The following NEMP1 variants were observed in gnomAD, a reference collection of about 807,000 sequenced individuals.
NEMP1 encodes the protein nuclear envelope integral membrane protein 1.
A neutral mutation model predicts 53.7 loss-of-function variants in NEMP1; 29 were observed. The ratio of observed to expected loss-of-function variants is 0.54; its 90% CI spans 0.40 to 0.74. The LOEUF (loss-of-function observed/expected upper bound fraction) is 0.74. NEMP1 is among the 30% of genes least tolerant of loss of function. The pLI, the probability that NEMP1 is intolerant of heterozygous loss-of-function variation, is 0.00. For missense variants in NEMP1, 477 were observed against 528.6 expected (o/e 0.90, Z 0.96); for synonymous variants, 193 against 192.9 (o/e 1.00, Z 0.00).
chr12:57,085,624 T>C (rs2032968345), intron 1 of NEMP1, among the ~76,000 whole-genome samples: 2 of 152,236 alleles, frequency 1.3e-5, no homozygotes, highest in African/African-American at 4.8e-5. Flanking sequence ...CCTTAGATGA[T>C]AAATTCTGCC....
In NEMP1 at chr12:57,060,845, C is replaced by G. The variant is rs922233762; in HGVS notation, c.1081G>C (p.Glu361Gln). ...GGACTGTTACAAAATTCTCGGAGCT[C>G]CTCTAAAGCCTTTCGGGTTTCTACC... ...GEVETRKALE[E>Q]LREFCNSPDC... is the part of the protein sequence containing the mutation. Residue 361 changes from glutamate to glutamine, a missense_variant, in exon 8 of 9, where the codon GAG (glutamate) becomes CAG (glutamine). Coordinates refer to ENST00000300128, the MANE Select transcript of NEMP1 (RefSeq NM_001130963.2). 17 of 1,614,056 alleles carry G rather than the reference C, an allele frequency of 1.1e-5. No homozygotes were observed. In the African/African-American group the frequency reaches 1.7e-4, roughly 16 times the overall value.
At chr12:57,079,223 A>G (rs1027525993), upstream of NEMP1, among the ~76,000 whole-genome samples, 2 of 152,234 alleles carry the variant, frequency 1.3e-5, no homozygotes, top group African/African-American at 4.8e-5. Flanking sequence ...GGACCCTGAT[A>G]GGACGATTTT....
rs1196678775 is a variant in NEMP1 at position 57,072,837 on chromosome 12, T to C, written c.203A>G (p.Tyr68Cys). The C allele has an allele frequency of 6.2e-7, 1 of 1,613,570 alleles. No homozygotes were observed. The highest frequency in any genetic ancestry group is 1.7e-5 in the Admixed American group (1 of 59,908). Reference sequence around the variant, plus strand: ...CCATTTTGGGATAAGCACATTTGTGTAACAGAATTGTTGGCTGGCACGCTT... The same window carrying C: ...CCATTTTGGGATAAGCACATTTGTGCAACAGAATTGTTGGCTGGCACGCTT... ...CEKRASQQFC[Y>C]TNVLIPKWHD... is the part of the protein sequence containing the mutation. The change falls in exon 2 of 9, where the codon TAC (tyrosine) becomes TGC (cysteine). Residue 68 changes from tyrosine (Y) to cysteine (C), a missense_variant. By Grantham distance (194) the Tyr-to-Cys change is radical. Coordinates refer to ENST00000300128, the MANE Select transcript of NEMP1 (RefSeq NM_001130963.2).
At chr12:57,079,953 T>C (rs1478965945), upstream of NEMP1, among the ~76,000 whole-genome samples, 1 of 151,340 alleles carries the variant, frequency 6.6e-6, no homozygotes, top group South Asian at 2.1e-4. Flanking sequence ...TGTTTCATTG[T>C]TGTTGTTGTT....
At chr12:57,068,421 G>A (rs1284822218) in intron 4 of NEMP1, among the ~76,000 whole-genome samples, 2 of 150,416 alleles carry the variant, frequency 1.3e-5, no homozygotes, top group Non-Finnish European at 2.9e-5. Flanking sequence ...GTGTGATCTT[G>A]GCTCACCGCA....
intron 1 of NEMP1, among the ~76,000 whole-genome samples, chr12:57,074,844 T>A (rs2136512884): frequency 6.6e-6 from 1 of 152,098 alleles, no homozygotes; most frequent in Middle Eastern, 3.4e-3. Flanking sequence ...TCCCAGCACT[T>A]GGGGAGGCCA....
At chr12:57,068,187 C>T (rs1201159708) in intron 4 of NEMP1, among the ~76,000 whole-genome samples, 2 of 152,150 alleles carry the variant, frequency 1.3e-5, no homozygotes, top group Non-Finnish European at 2.9e-5. Flanking sequence ...GTTAATCTTG[C>T]ATTCACTACT....
At chr12:57,075,256 C>T (rs1322282909) in intron 1 of NEMP1, among the ~76,000 whole-genome samples, 2 of 151,354 alleles carry the variant, frequency 1.3e-5, no homozygotes, top group East Asian at 1.9e-4. Context: ...GGTACGGTGG[C>T]GGGCGCCTGT....
intron 1 of NEMP1, among the ~76,000 whole-genome samples, chr12:57,076,254 T>C (rs898297744): frequency 1.3e-5 from 2 of 152,200 alleles, no homozygotes; most frequent in African/African-American, 4.8e-5. Context: ...ACCAGGCAGA[T>C]GGCACGTGCC....
chr12:57,086,975 G>A (rs1247703989), intron 1 of NEMP1, among the ~76,000 whole-genome samples: 7 of 152,220 alleles, frequency 4.6e-5, no homozygotes, highest in African/African-American at 1.4e-4. Flanking sequence ...AGAAACAAGG[G>A]CACAAAGACA....
rs1029241794 is a variant in NEMP1 at position 57,058,049 on chromosome 12, G to A, written c.*1830C>T. 2.0e-4 allele frequency: 31 copies of A among 152,208 alleles called. No individual in the cohort carries two copies. The highest frequency in any genetic ancestry group is 7.2e-4 in the African/African-American group (30 of 41,452). The allele number at this position is 152,208 out of a possible 1,614,324, so 9.4% of individuals were successfully genotyped here. ...ATTTTACCATGTACATAATTCACAA[G>A]GGTATAAAGGTTTCCCAATGTAAAG... On this transcript the variant is annotated 3_prime_UTR_variant, in exon 9 of 9. Coordinates refer to ENST00000300128, the MANE Select transcript of NEMP1 (RefSeq NM_001130963.2).
chr12:57,082,622 C>T (rs185077459), upstream of NEMP1, among the ~76,000 whole-genome samples: 18 of 152,010 alleles, frequency 1.2e-4, no homozygotes, highest in Admixed American at 3.9e-4. Context: ...TGAGATGGGA[C>T]GATCACTTGA....
At chr12:57,064,034 A>T in intron 6 of NEMP1, 37 bp downstream of exon 6, 1 of 1,285,472 alleles carries the variant, frequency 7.8e-7, no homozygotes, top group Non-Finnish European at 1.1e-6. Flanking sequence ...AACAGCCTAT[A>T]AACGTACAAA....
chr12:57,083,954 CTGTTTTGTTT>C (rs71446598), intron 1 of NEMP1, among the ~76,000 whole-genome samples: 12 of 144,342 alleles, frequency 8.3e-5, no homozygotes, highest in South Asian at 4.4e-4. Context: ...TTGTTTTCTT[CTGTTTTGTTT>C]TGTTTTGTTT....
At chr12:57,082,198 G>A (rs1592524161), upstream of NEMP1, among the ~76,000 whole-genome samples, 1 of 152,264 alleles carries the variant, frequency 6.6e-6, no homozygotes, top group South Asian at 2.1e-4. Context: ...CCAGCCCGGT[G>A]ACAGAGTAAG....
chr12:57,078,670 C>T lies in NEMP1; in HGVS notation c.76G>A (p.Gly26Arg), dbSNP rs1331702611. 2 of 1,613,370 alleles carry T rather than the reference C, an allele frequency of 1.2e-6. No homozygotes were observed. Among genetic ancestry groups the T allele is most frequent in the East Asian group, 2.2e-5 (1 of 44,852 alleles). ...GPWGSGVGGG[G>R]TVRLLLILSG... The stretch of plus-strand genomic sequence containing the variant: ...AGGATCAAGAGTAGCCGCACTGTCC[C>T]ACCGCCCCCGACTCCCGAGCCCCAG... The change falls in exon 1 of 9, where the codon GGG (glycine) becomes AGG (arginine). Residue 26 changes from glycine (G) to arginine (R), a missense_variant. By Grantham distance (125) the Gly-to-Arg change is moderately radical (BLOSUM62 -2). Coordinates refer to ENST00000300128, the MANE Select transcript of NEMP1 (RefSeq NM_001130963.2).
Position 57,070,810 on chromosome 12 carries a change from G to A in NEMP1, c.336C>T (p.Ile112=). The A allele has an allele frequency of 6.2e-7, 1 of 1,614,042 alleles. No homozygotes were observed. The highest frequency in any genetic ancestry group is 1.3e-5 in the African/African-American group (1 of 75,024). Residue 112 remains isoleucine (I), a synonymous_variant, in exon 3 of 9, where the codon ATC becomes ATT. Transcript: ENST00000300128. The part of the protein sequence containing the change: ...EKLKELEQFS[I]WNFFSSFLKE... ...TTAAAAAGGAGGAAAAAAAGTTCCA[G>A]ATACTAAACTGCTCTAGCTCCTTCA...
chr12:57,078,722 C>G lies in NEMP1; in HGVS notation c.24G>C (p.Ala8=), dbSNP rs1276548276. ...GCCCGGGACCAACTGCCGGCGAGACCGCCACTTTCATTCCTCCCGCCATGG... is the reference window on the plus strand; with the variant it reads ...GCCCGGGACCAACTGCCGGCGAGACGGCCACTTTCATTCCTCCCGCCATGG... MAGGMKV[A]VSPAVGPGPW... The change falls in exon 1 of 9, where the codon GCG becomes GCC. Residue 8 remains alanine, a synonymous_variant. Transcript: ENST00000300128. 6.2e-7 allele frequency: 1 copy of G among 1,612,796 alleles called. No homozygotes were observed. Among genetic ancestry groups the G allele is most frequent in the Non-Finnish European group, 8.5e-7 (1 of 1,179,224 alleles).
intron 1 of NEMP1, among the ~76,000 whole-genome samples, chr12:57,075,990 G>C (rs555634465): frequency 7.2e-5 from 11 of 152,178 alleles, no homozygotes; most frequent in Non-Finnish European, 1.5e-4. Context: ...TGTAATCCCA[G>C]CTACTCGGGA....
Sources: gnomAD v4.1 joint callset for allele counts (sites outside exome capture counted in the v4.1 genomes callset) on GRCh38, gnomAD v4.1.1 for gene constraint, MANE v1.5 for transcripts, NCBI Gene and HGNC (gene_info 2026-07-23, HGNC 2026-07-21) for gene names.